Variants in LAMC2 observed in about 807,000 individuals in gnomAD.
The protein encoded by LAMC2 is laminin subunit gamma-2.
Under a neutral mutation model 140.2 loss-of-function variants are expected in LAMC2, and 97 were observed. That is an observed-to-expected ratio of 0.69 (90% CI 0.59 to 0.82). LAMC2 has a LOEUF of 0.82. Among genes scored for constraint, LAMC2 ranks in the 40% least tolerant of loss-of-function variants. The pLI is 0.00. For synonymous variants in LAMC2, 513 were observed against 540.2 expected, an observed-to-expected ratio of 0.95 and a Z score of 0.70; for missense variants, 1,402 against 1,476.1, an observed-to-expected ratio of 0.95 and a Z score of 0.82.
chr1:183,235,330 T>C (rs1659920166), intron 15 of LAMC2, among the ~76,000 whole-genome samples: 1 of 152,174 alleles, frequency 6.6e-6, no homozygotes, highest in Non-Finnish European at 1.5e-5. Flanking sequence ...TCCACCCCGC[T>C]CCGGGACTCC....
intron 1 of LAMC2, among the ~76,000 whole-genome samples, chr1:183,187,428 C>G (rs1428518765): frequency 6.6e-6 from 1 of 150,498 alleles, no homozygotes; most frequent in Non-Finnish European, 1.5e-5. Flanking sequence ...TCCTTTTTGT[C>G]TAAAAAAGTC....
rs369156355 is a variant in LAMC2 at position 183,218,439 on chromosome 1, G to A, written c.454G>A (p.Ala152Thr). The part of the protein sequence containing the change: ...DPAGIAGPCD[A>T]GRCVCKPAVT... ...AGCTGGCATCGCAGGGCCCTGTGACGCGGGCCGCTGTGTCTGCAAGCCAGC... is the reference window on the plus strand; with the variant it reads ...AGCTGGCATCGCAGGGCCCTGTGACACGGGCCGCTGTGTCTGCAAGCCAGC... Residue 152 changes from alanine (A) to threonine (T), a missense_variant, in exon 4 of 23, where the codon GCG becomes ACG. Ala to Thr is a moderately conservative substitution (Grantham distance 58). Transcript: ENST00000264144. The A allele has an allele frequency of 4.8e-5, 78 of 1,614,060 alleles. No homozygotes were observed. The highest frequency in any genetic ancestry group is 8.8e-5 in the South Asian group (8 of 91,082).
Position 183,229,091 on chromosome 1 carries a change from C to T in LAMC2, c.1714+472C>T, listed in dbSNP as rs1046848076. 2.6e-5 allele frequency among the ~76,000 whole-genome samples: 4 copies of T among 152,334 alleles called. No individual in the cohort carries two copies. In the South Asian group the frequency reaches 8.3e-4, roughly 32 times the overall value. Reference sequence around the variant, plus strand: ...TGATGTGTAGAAAGGTAACAGTCAACAGTTCTCCTAACAAGACAGCTTCAA... The same window carrying T: ...TGATGTGTAGAAAGGTAACAGTCAATAGTTCTCCTAACAAGACAGCTTCAA... On this transcript the variant is annotated intron_variant, in intron 11 of 22. Transcript: ENST00000264144.
At chr1:183,247,962 G>A (rs1428165654), downstream of LAMC2, among the ~76,000 whole-genome samples, 1 of 152,154 alleles carries the variant, frequency 6.6e-6, no homozygotes, top group East Asian at 1.9e-4. Flanking sequence ...ACCAACACTG[G>A]ACTATGCAAA....
chr1:183,209,403 C>T (rs1393809243), intron 2 of LAMC2, among the ~76,000 whole-genome samples: 1 of 152,144 alleles, frequency 6.6e-6, no homozygotes, highest in Admixed American at 6.5e-5. Context: ...TTATAGAAAA[C>T]TGGGTGACCC....
At chr1:183,217,724 G>A (rs114125162) in intron 3 of LAMC2, among the ~76,000 whole-genome samples, 5 of 152,206 alleles carry the variant, frequency 3.3e-5, no homozygotes, top group South Asian at 2.1e-4. Flanking sequence ...GGTGGCTGCC[G>A]AGGGCTGGAG....
intron 18 of LAMC2, 33 bp downstream of exon 18, chr1:183,237,537 G>T: frequency 6.4e-7 from 1 of 1,551,858 alleles, no homozygotes; most frequent in South Asian, 1.1e-5. Flanking sequence ...ACTCAATAAA[G>T]ATGTATTGAA....
intron 1 of LAMC2, among the ~76,000 whole-genome samples, chr1:183,206,015 G>A (rs1326469954): frequency 2.0e-5 from 3 of 152,176 alleles, no homozygotes; most frequent in African/African-American, 7.2e-5. Context: ...ACATGCAATG[G>A]TAAACTCAAT....
chr1:183,249,895 C>A (rs1660330396), downstream of LAMC2: 1 of 152,124 alleles, frequency 6.6e-6, no homozygotes, highest in African/African-American at 2.4e-5. Flanking sequence ...TCTATGGCAC[C>A]TGTTCTTTGT....
chr1:183,197,120 G>A (rs1236421123), intron 1 of LAMC2, among the ~76,000 whole-genome samples: 1 of 152,204 alleles, frequency 6.6e-6, no homozygotes, highest in East Asian at 1.9e-4. Context: ...AGCAAAAGAA[G>A]TTGCAGGGAA....
rs2102224086 is a variant in LAMC2, at chr1:183,223,181, C to T, written c.810C>T (p.Ser270=). The T allele has an allele frequency of 6.2e-7, 1 of 1,614,168 alleles. No homozygotes were observed. The highest frequency in any genetic ancestry group is 1.7e-5 in the Admixed American group (1 of 60,024). Residue 270 remains serine (S), a synonymous_variant, in exon 7 of 23, where the codon TCC becomes TCT. Coordinates refer to ENST00000264144, the MANE Select transcript of LAMC2 (RefSeq NM_005562.3). ...AGGTGAGCTATGGTCAAAGCCTGTC[C>T]TTTGACTACCGTGTGGACAGAGGAG... ...NQQVSYGQSL[S]FDYRVDRGGR...
At chr1:183,234,003 C>A (rs58034449) in intron 14 of LAMC2, among the ~76,000 whole-genome samples, 2,484 of 151,984 alleles carry the variant, frequency 0.016, 72 homozygotes, top group African/African-American at 0.057. Flanking sequence ...TCTCCTGCCT[C>A]AGCCTCCCAA....
At chr1:183,233,610 T>A (rs192107143) in intron 14 of LAMC2, among the ~76,000 whole-genome samples, 1 of 152,316 alleles carries the variant, frequency 6.6e-6, no homozygotes, top group Admixed American at 6.5e-5. Flanking sequence ...AAATGTTTGT[T>A]GTAGAAAATA....
intron 8 of LAMC2, among the ~76,000 whole-genome samples, 161 bp from the exon 9 acceptor site, chr1:183,226,537 C>T (rs1659630795): frequency 6.6e-6 from 1 of 152,132 alleles, no homozygotes; most frequent in South Asian, 2.1e-4. Context: ...CCTGTGTGCT[C>T]AGTCACAGTG....
chr1:183,236,247 G>GGT (rs1407833713), intron 16 of LAMC2, among the ~76,000 whole-genome samples: 1 of 151,964 alleles, frequency 6.6e-6, no homozygotes, highest in Non-Finnish European at 1.5e-5. Flanking sequence ...GGGGGGGCCA[G>GGT]GTGTGGTGGC....
At chr1:183,210,726 A>C (rs1362004071) in intron 2 of LAMC2, among the ~76,000 whole-genome samples, 1 of 152,258 alleles carries the variant, frequency 6.6e-6, no homozygotes, top group East Asian at 1.9e-4. Context: ...ATCATAGATG[A>C]TGTCCTTCTT....
intron 2 of LAMC2, among the ~76,000 whole-genome samples, chr1:183,211,032 AC>A (rs1659052231): frequency 6.6e-6 from 1 of 152,266 alleles, no homozygotes; most frequent in Admixed American, 6.5e-5. Flanking sequence ...ATGCAAAATA[AC>A]ATGTCTTACA....
chr1:183,194,094 A>G (rs1237569136), intron 1 of LAMC2, among the ~76,000 whole-genome samples: 3 of 151,952 alleles, frequency 2.0e-5, no homozygotes. Flanking sequence ...TAATTTTTAT[A>G]TTTTTAGTAG....
intron 1 of LAMC2, among the ~76,000 whole-genome samples, chr1:183,198,425 G>A (rs1658595471): frequency 1.3e-5 from 2 of 152,130 alleles, no homozygotes; most frequent in Admixed American, 1.3e-4. Flanking sequence ...TTATAGGCGT[G>A]AGCCACCGTG....
Sources: allele counts gnomAD v4.1 joint callset (sites outside exome capture counted in the v4.1 genomes callset), GRCh38; gene constraint gnomAD v4.1.1; transcripts MANE v1.5; gene names NCBI Gene and HGNC (gene_info 2026-07-23, HGNC 2026-07-21).